The following PDE1C variants were observed in gnomAD, a reference collection of about 807,000 sequenced individuals.
PDE1C encodes phosphodiesterase 1C.
A neutral mutation model predicts 93.1 loss-of-function variants in PDE1C; 62 were observed. The ratio of observed to expected loss-of-function variants is 0.67; its 90% CI spans 0.54 to 0.82. The LOEUF (loss-of-function observed/expected upper bound fraction) is 0.82, where lower values mean the gene tolerates loss of function less well. Among genes scored for constraint, PDE1C ranks in the 40% least tolerant of loss-of-function variants. PDE1C has a pLI of 0.00. For missense variants in PDE1C, 742 were observed against 884.6 expected, an observed-to-expected ratio of 0.84 and a Z score of 2.04; for synonymous variants, 325 against 310.1, an observed-to-expected ratio of 1.05 and a Z score of -0.50.
At chr7:32,027,194 T>C (rs1168513839) in intron 2 of PDE1C, among the ~76,000 whole-genome samples, 1 of 152,096 alleles carries the variant, frequency 6.6e-6, no homozygotes. Flanking sequence ...TCAATGTAGG[T>C]TCATTGATTG....
chr7:31,882,467 C>A (rs1439001827), intron 2 of PDE1C, among the ~76,000 whole-genome samples: 1 of 152,158 alleles, frequency 6.6e-6, no homozygotes, highest in African/African-American at 2.4e-5. Flanking sequence ...AGCTCTTTAG[C>A]AAAACACATT....
Position 32,102,216 on chromosome 7 carries a change from G to C in PDE1C, c.308+67569C>G, listed in dbSNP as rs115186249. Among the ~76,000 whole-genome samples the C allele has an allele frequency of 3.4e-3, 512 of 152,204 alleles. 4 individuals carry two copies. The highest frequency in any genetic ancestry group is 0.012 in the African/African-American group (490 of 41,514). On this transcript the variant is annotated intron_variant, in intron 3 of 18. Coordinates refer to the PDE1C transcript ENST00000396193. ...GTTAGAAAGGCAGAATCCTTCTTCC[G>C]TCTTGTTTGTTCCCTCAAACCACAT...
At chr7:32,347,590 T>A (rs2128081872) in intron 1 of PDE1C, among the ~76,000 whole-genome samples, 1 of 152,274 alleles carries the variant, frequency 6.6e-6, no homozygotes, top group Non-Finnish European at 1.5e-5. Context: ...GGGCCTGACT[T>A]AATAAAGCGA....
intron 2 of PDE1C, chr7:32,209,370 C>T: frequency 1.2e-6 from 1 of 830,048 alleles, no homozygotes; most frequent in Non-Finnish European, 1.9e-6. Context: ...ATGATATTTC[C>T]TGCATTACTA....
At chr7:32,034,054 C>CTGTGTGTGTG (rs5883321) in intron 2 of PDE1C, among the ~76,000 whole-genome samples, 4,273 of 148,458 alleles carry the variant, frequency 0.029, 209 homozygotes, top group African/African-American at 0.093. Flanking sequence ...AGATGAGAGA[C>CTGTGTGTGTG]TGTGTGTGTG....
chr7:32,321,481 T>G (rs1298613848), intron 1 of PDE1C, among the ~76,000 whole-genome samples: 1 of 152,224 alleles, frequency 6.6e-6, no homozygotes, highest in Non-Finnish European at 1.5e-5. Flanking sequence ...TGGGTGGCTG[T>G]GGGAGTGTTA....
intron 1 of PDE1C, among the ~76,000 whole-genome samples, chr7:32,404,129 C>T (rs1172162579): frequency 6.6e-6 from 1 of 152,102 alleles, no homozygotes; most frequent in South Asian, 2.1e-4. Flanking sequence ...AGACCTTGGG[C>T]ATGTTCCTTA....
chr7:31,742,868 G>T, the PDE1C span, among the ~76,000 whole-genome samples: 8 of 152,218 alleles, frequency 5.3e-5, no homozygotes, highest in East Asian at 1.5e-3. Context: ...CCCCAGTGTG[G>T]TCCCTCTTCA....
At chr7:31,844,498 A>AT (rs1227638123) in intron 9 of PDE1C, among the ~76,000 whole-genome samples, 1 of 151,728 alleles carries the variant, frequency 6.6e-6, no homozygotes, top group Admixed American at 6.6e-5. Context: ...TCTGGCCTCT[A>AT]TAGTTTCTGA....
intron 2 of PDE1C, among the ~76,000 whole-genome samples, chr7:31,900,071 T>TG (rs1244400952): frequency 6.6e-6 from 1 of 152,108 alleles, no homozygotes; most frequent in East Asian, 1.9e-4. Context: ...TTTTTCATAT[T>TG]GGAAAAGAGC....
intron 2 of PDE1C, among the ~76,000 whole-genome samples, chr7:31,950,864 T>A (rs751963345): frequency 3.3e-5 from 5 of 152,136 alleles, no homozygotes; most frequent in Admixed American, 6.5e-5. Context: ...GTACAGCATA[T>A]CCTGAGTGTA....
chr7:32,008,417 G>A (rs972750302), intron 2 of PDE1C, among the ~76,000 whole-genome samples: 3 of 152,116 alleles, frequency 2.0e-5, no homozygotes, highest in Non-Finnish European at 4.4e-5. Flanking sequence ...TGTCTTCCTT[G>A]GGTAGACAAA....
chr7:31,803,098 G>A (rs1440548530), intron 16 of PDE1C, among the ~76,000 whole-genome samples: 1 of 151,478 alleles, frequency 6.6e-6, no homozygotes, highest in Admixed American at 6.6e-5. Context: ...ATTTCCTTTT[G>A]GGTAGTTTCT....
At chr7:32,248,510 G>C (rs1290987384) in intron 1 of PDE1C, among the ~76,000 whole-genome samples, 1 of 152,210 alleles carries the variant, frequency 6.6e-6, no homozygotes, top group African/African-American at 2.4e-5. Context: ...GGATTTCCCA[G>C]AACTTGGAAG....
intron 1 of PDE1C, among the ~76,000 whole-genome samples, chr7:32,231,852 T>C (rs1195455216): frequency 6.6e-6 from 1 of 152,240 alleles, no homozygotes; most frequent in Admixed American, 6.5e-5. Context: ...TCATTTAGCA[T>C]GCTAAGGGAT....
upstream of PDE1C, chr7:32,071,389 C>G (rs1252892052): frequency 2.2e-5 from 22 of 985,360 alleles, no homozygotes; most frequent in Non-Finnish European, 2.7e-5. Flanking sequence ...CTGATGGGGA[C>G]GAAGGGAACC....
intron 1 of PDE1C, among the ~76,000 whole-genome samples, chr7:32,269,380 C>G (rs2128885193): frequency 6.6e-6 from 1 of 152,276 alleles, no homozygotes; most frequent in Middle Eastern, 3.4e-3. Flanking sequence ...TAATGTACAC[C>G]TCTTAAAAAT....
chr7:31,681,576 CA>C, the PDE1C span, among the ~76,000 whole-genome samples: 1 of 152,122 alleles, frequency 6.6e-6, no homozygotes, highest in African/African-American at 2.4e-5. Context: ...GTAGAGCACC[CA>C]ATGCACCTTC....
the PDE1C span, among the ~76,000 whole-genome samples, chr7:31,698,348 CTCT>C: frequency 6.6e-6 from 1 of 152,270 alleles, no homozygotes; most frequent in East Asian, 1.9e-4. Context: ...GTTCCTCCAC[CTCT>C]TCTTCTCTTC....
Sources: allele counts gnomAD v4.1 joint callset (sites outside exome capture counted in the v4.1 genomes callset), GRCh38; gene constraint gnomAD v4.1.1; transcripts MANE v1.5; gene names NCBI Gene and HGNC (gene_info 2026-07-23, HGNC 2026-07-21).